Variants in AEBP2 observed in about 807,000 individuals in gnomAD.
AEBP2 encodes zinc finger protein AEBP2.
Under a neutral mutation model 50.8 loss-of-function variants are expected in AEBP2, and 10 were observed. The ratio of observed to expected loss-of-function variants is 0.20; its 90% CI spans 0.12 to 0.33. The LOEUF (loss-of-function observed/expected upper bound fraction) is 0.33, where lower values mean the gene tolerates loss of function less well. Ranked by LOEUF, AEBP2 falls within the 10% of genes least tolerant of loss-of-function variation. AEBP2 has a pLI of 1.00. For missense variants in AEBP2, 570 were observed against 688.0 expected (o/e 0.83, Z 1.92); for synonymous variants, 296 against 261.3 (o/e 1.13, Z -1.28).
chr12:19,462,675 A>G lies in AEBP2; in HGVS notation c.837A>G (p.Ala279=). 1 of 1,614,004 alleles carries G rather than the reference A, an allele frequency of 6.2e-7. No individual in the cohort carries two copies. Among genetic ancestry groups the G allele is most frequent in the Non-Finnish European group, 8.5e-7 (1 of 1,179,868 alleles). The change falls in exon 2 of 8, where the codon GCA becomes GCG. Residue 279 remains alanine (A), a synonymous_variant. Transcript: ENST00000266508. ...GCTTCAACTCTAGCCCAGATCTGGC[A>G]GATCACATCCGTTCCATACATGTAG... ...QACFNSSPDL[A]DHIRSIHVDG...
In AEBP2 at chr12:19,415,090, A is replaced by C. The variant is rs1175665079; in HGVS notation, c.-17+10874A>C. 5.3e-5 allele frequency among the ~76,000 whole-genome samples: 8 copies of C among 151,156 alleles called. No homozygotes were observed. In the Admixed American group the frequency reaches 5.3e-4, roughly 10 times the overall value. On this transcript the variant is annotated intron_variant, in intron 1 of 3. Transcript: ENST00000538425. ...TTTGGGAGACTGAGGCGGGTGGATC[A>C]GTTGAGGCCAGGAGTTCAAGACAGT...
intron 3 of AEBP2, among the ~76,000 whole-genome samples, chr12:19,490,389 G>A (rs1341692908): frequency 1.3e-5 from 2 of 152,122 alleles, no homozygotes; most frequent in African/African-American, 2.4e-5. Context: ...TTGAGTATCA[G>A]GTTTTTTATC....
rs1947900993 is a variant in AEBP2, at chr12:19,439,544, A to G, written c.-156A>G. On this transcript the variant is annotated 5_prime_UTR_variant, in exon 1 of 8. Transcript: ENST00000266508. The stretch of plus-strand genomic sequence containing the variant: ...GCGCCTGTCCCCGCGCGGGCTCCGT[A>G]GCGCGTGTGCAGGCTGACGCAGCTC... 2 of 978,010 alleles carry G rather than the reference A, an allele frequency of 2.0e-6. No individual in the cohort carries two copies. The highest frequency in any genetic ancestry group is 3.5e-5 in the African/African-American group (2 of 56,980). The allele number at this position is 978,010 out of a possible 1,614,324, so 60.6% of individuals were successfully genotyped here.
chr12:19,415,084 T>C (rs757274178), intron 1 of AEBP2, among the ~76,000 whole-genome samples: 1 of 150,054 alleles, frequency 6.7e-6, no homozygotes, highest in African/African-American at 2.5e-5. Flanking sequence ...CTGAGGCGGG[T>C]GGATCAGTTG....
At chr12:19,422,901 T>C (rs1028390026) in intron 1 of AEBP2, among the ~76,000 whole-genome samples, 22 of 150,776 alleles carry the variant, frequency 1.5e-4, no homozygotes, top group Non-Finnish European at 2.8e-4. Flanking sequence ...CCATCTCTAC[T>C]AAAAATACAA....
chr12:19,502,326 G>A (rs1203168936), intron 5 of AEBP2, among the ~76,000 whole-genome samples: 2 of 152,094 alleles, frequency 1.3e-5, no homozygotes, highest in Admixed American at 1.3e-4. Flanking sequence ...TAGAGATGGG[G>A]TTTTGCCATG....
intron 1 of AEBP2, among the ~76,000 whole-genome samples, chr12:19,460,639 A>G (rs1278226055): frequency 1.3e-5 from 2 of 149,090 alleles, no homozygotes; most frequent in Non-Finnish European, 3.0e-5. Flanking sequence ...GGCGTGAGCC[A>G]CCACGCCCGG....
chr12:19,470,934 C>T (rs569860930), intron 2 of AEBP2, among the ~76,000 whole-genome samples: 2 of 152,126 alleles, frequency 1.3e-5, no homozygotes, highest in Non-Finnish European at 2.9e-5. Flanking sequence ...TTCTTTAAGG[C>T]ATTTCTGTTT....
At chr12:19,452,215 A>G (rs1948175936) in intron 1 of AEBP2, among the ~76,000 whole-genome samples, 1 of 151,694 alleles carries the variant, frequency 6.6e-6, no homozygotes, top group Non-Finnish European at 1.5e-5. Flanking sequence ...TTGGTCTTGA[A>G]CTCCTGGATT....
chr12:19,502,451 T>C (rs1477265818), intron 5 of AEBP2, among the ~76,000 whole-genome samples: 1 of 151,920 alleles, frequency 6.6e-6, no homozygotes, highest in Non-Finnish European at 1.5e-5. Flanking sequence ...AGTTAATTTT[T>C]TATATGGTGA....
At chr12:19,409,896 C>T in intron 1 of AEBP2, among the ~76,000 whole-genome samples, 1 of 152,188 alleles carries the variant, frequency 6.6e-6, no homozygotes. Context: ...GCAATAATTA[C>T]ATTGCTTCTC....
At chr12:19,423,482 G>A (rs1214145788) in intron 1 of AEBP2, among the ~76,000 whole-genome samples, 2 of 151,896 alleles carry the variant, frequency 1.3e-5, no homozygotes, top group Non-Finnish European at 2.9e-5. Flanking sequence ...AGTTTTTTTG[G>A]GCCCACTTGC....
At chr12:19,433,081 G>A (rs2095752254) in intron 1 of AEBP2, among the ~76,000 whole-genome samples, 2 of 151,858 alleles carry the variant, frequency 1.3e-5, no homozygotes, top group East Asian at 3.9e-4. Flanking sequence ...TGAAAGACCA[G>A]TATTTAAAAA....
At chr12:19,408,687 G>A (rs914737597) in intron 1 of AEBP2, among the ~76,000 whole-genome samples, 1 of 152,082 alleles carries the variant, frequency 6.6e-6, no homozygotes, top group Non-Finnish European at 1.5e-5. Context: ...GGATCACGAG[G>A]TCAGGAGTTC....
rs564805025 is a variant in AEBP2 at position 19,484,500 on chromosome 12, G to A, written c.988-9300G>A. Among the ~76,000 whole-genome samples the A allele has an allele frequency of 4.6e-5, 7 of 151,812 alleles. No homozygotes were observed. In the East Asian group the frequency reaches 7.8e-4, roughly 17 times the overall value. On this transcript the variant is annotated intron_variant, in intron 3 of 7. Transcript: ENST00000266508. ...AGTGATTCTCCTGCCTCAGCCTCCC[G>A]AGTAGCTGGGACTACAGGTACCCAC...
intron 1 of AEBP2, chr12:19,457,360 C>A: frequency 6.9e-7 from 1 of 1,452,366 alleles, no homozygotes; most frequent in Non-Finnish European, 9.5e-7. Context: ...GTGGTTAAGT[C>A]TCTGTGTCCT....
At chr12:19,464,457 T>C (rs1948435138) in intron 2 of AEBP2, among the ~76,000 whole-genome samples, 1 of 152,166 alleles carries the variant, frequency 6.6e-6, no homozygotes, top group Admixed American at 6.5e-5. Context: ...ATTTCACATT[T>C]CTGAGTCTTG....
At chr12:19,467,593 C>T (rs996228031) in intron 2 of AEBP2, among the ~76,000 whole-genome samples, 1 of 152,190 alleles carries the variant, frequency 6.6e-6, no homozygotes, top group Non-Finnish European at 1.5e-5. Flanking sequence ...CGTGCCCGGC[C>T]TAGGTCCGTA....
chr12:19,473,507 T>C (rs1948602488), intron 3 of AEBP2, among the ~76,000 whole-genome samples, 152 bp downstream of exon 3: 1 of 152,086 alleles, frequency 6.6e-6, no homozygotes, highest in African/African-American at 2.4e-5. Context: ...CTGTGTTCAA[T>C]TGATTTTCCT....
Sources: gnomAD v4.1 joint callset for allele counts (sites outside exome capture counted in the v4.1 genomes callset) on GRCh38, gnomAD v4.1.1 for gene constraint, MANE v1.5 for transcripts, NCBI Gene and HGNC (gene_info 2026-07-23, HGNC 2026-07-21) for gene names.